MAP7: variants seen among roughly 807,000 people sequenced by gnomAD.
MAP7 encodes the protein microtubule associated protein 7, also known as ensconsin.
Under a neutral mutation model 94.8 loss-of-function variants are expected in MAP7, and 52 were observed. The observed-to-expected ratio is 0.55, with a 90% CI of 0.44 to 0.69. The LOEUF is 0.69. Among genes scored for constraint, MAP7 ranks in the 30% least tolerant of loss-of-function variants. MAP7 has a pLI of 0.00. For missense variants in MAP7, 940 were observed against 964.6 expected (o/e 0.97, Z 0.34); for synonymous variants, 350 against 357.0 (o/e 0.98, Z 0.22).
At chr6:136,402,666 G>A (rs1025554383) in intron 3 of MAP7, among the ~76,000 whole-genome samples, 2 of 152,124 alleles carry the variant, frequency 1.3e-5, no homozygotes, top group Non-Finnish European at 2.9e-5. Context: ...CAGCACTTTG[G>A]GAGGCCGAGG....
In MAP7 at chr6:136,383,904, T is replaced by C. The variant is rs1264970238; in HGVS notation, c.527-123A>G. The C allele has an allele frequency of 5.0e-5, 31 of 624,238 alleles. No homozygotes were observed. The East Asian group carries it at 9.9e-4, about 20-fold the overall frequency. 38.7% of individuals were successfully genotyped at this position (624,238 alleles called of 1,614,324 possible). On this transcript the variant is annotated intron_variant, in intron 5 of 17. Coordinates refer to ENST00000354570, the MANE Select transcript of MAP7 (RefSeq NM_003980.6). ...TGCTCTATTTCTAGATCTGTCATAA[T>C]AACACAGTTTTCTAAGTGGACATTT...
chr6:136,482,799 G>A (rs565968402), intron 1 of MAP7, among the ~76,000 whole-genome samples: 1 of 152,134 alleles, frequency 6.6e-6, no homozygotes, highest in Non-Finnish European at 1.5e-5. Context: ...GAAGATGATA[G>A]ATCGATTTGG....
chr6:136,490,174 C>A (rs1295757675), intron 1 of MAP7, among the ~76,000 whole-genome samples: 2 of 151,966 alleles, frequency 1.3e-5, no homozygotes, highest in Non-Finnish European at 2.9e-5. Context: ...CAGAAGCAAC[C>A]CAAAGAGCCA....
Position 136,511,141 on chromosome 6 carries a change from CTGA to C in MAP7, c.67+39198_67+39200del, listed in dbSNP as rs1015562536. ...TTACTTAGATTGTGAGAAAATCTGGCTGATGATTAGAAGTGTTGATATAAGAGG... is the reference window on the plus strand; with the variant it reads ...TTACTTAGATTGTGAGAAAATCTGGCTGATTAGAAGTGTTGATATAAGAGG... On this transcript the variant is annotated intron_variant, in intron 1 of 17. Transcript: ENST00000354570. Among the ~76,000 whole-genome samples, 8 of 152,150 alleles carry C rather than the reference CTGA, an allele frequency of 5.3e-5. No individual in the cohort carries two copies. The South Asian group carries it at 8.3e-4, about 16-fold the overall frequency.
chr6:136,423,510 C>T (rs140738658), intron 1 of MAP7, among the ~76,000 whole-genome samples: 225 of 152,172 alleles, frequency 1.5e-3, no homozygotes, highest in African/African-American at 4.2e-3. Context: ...ACTAAAGTGG[C>T]AGGAAGGTCT....
intron 1 of MAP7, among the ~76,000 whole-genome samples, chr6:136,532,790 G>A (rs916619829): frequency 2.0e-5 from 3 of 152,118 alleles, no homozygotes; most frequent in East Asian, 1.9e-4. Context: ...ATACTTACTC[G>A]CATGGCTTCA....
chr6:136,400,104 T>C (rs1226459403), intron 3 of MAP7, among the ~76,000 whole-genome samples: 3 of 152,166 alleles, frequency 2.0e-5, no homozygotes, highest in Non-Finnish European at 1.5e-5. Flanking sequence ...CAAAAAAGTT[T>C]TTTTTTCTTT....
At chr6:136,372,360 CATG>C in intron 8 of MAP7, 138 bp downstream of exon 8, 1 of 1,001,294 alleles carries the variant, frequency 1.0e-6, no homozygotes, top group Non-Finnish European at 1.4e-6. Context: ...TAGCCAGATT[CATG>C]ATCAATGGGA....
chr6:136,539,566 C>G (rs1829148237), intron 1 of MAP7, among the ~76,000 whole-genome samples: 1 of 152,186 alleles, frequency 6.6e-6, no homozygotes, highest in South Asian at 2.1e-4. Context: ...CATATGCTAG[C>G]TGCAAAGAGG....
At chr6:136,472,293 C>T (rs1477408436) in intron 1 of MAP7, among the ~76,000 whole-genome samples, 2 of 152,074 alleles carry the variant, frequency 1.3e-5, no homozygotes, top group Non-Finnish European at 2.9e-5. Flanking sequence ...AATGGGAGAG[C>T]CTGACAGCTG....
At chr6:136,529,461 G>C (rs150482581) in intron 1 of MAP7, among the ~76,000 whole-genome samples, 420 of 152,286 alleles carry the variant, frequency 2.8e-3, no homozygotes, top group Non-Finnish European at 4.3e-3. Context: ...TTTTCAATTA[G>C]ATGTGGCACA....
rs55990221 is a variant in MAP7, at chr6:136,547,998, G to T, written c.67+2344C>A. On this transcript the variant is annotated intron_variant, in intron 1 of 17. Transcript: ENST00000354570. ...ACCTCATAATAATGAGTTCTAAAAAGAAATAAAATTAATCCCTCAAGAAAT... is the reference window on the plus strand; with the variant it reads ...ACCTCATAATAATGAGTTCTAAAAATAAATAAAATTAATCCCTCAAGAAAT... Among the ~76,000 whole-genome samples, 534 of 152,006 alleles carry T rather than the reference G, an allele frequency of 3.5e-3. 5 individuals carry two copies. The highest frequency in any genetic ancestry group is 0.012 in the African/African-American group (511 of 41,452).
At chr6:136,360,152 ACT>A in intron 13 of MAP7, 121 bp from the exon 14 acceptor site, 1 of 737,112 alleles carries the variant, frequency 1.4e-6, no homozygotes. Flanking sequence ...TACAATATGC[ACT>A]TTTTTTTTTT....
At chr6:136,416,555 C>T (rs1789485616) in intron 2 of MAP7, among the ~76,000 whole-genome samples, 1 of 152,138 alleles carries the variant, frequency 6.6e-6, no homozygotes, top group Non-Finnish European at 1.5e-5. Context: ...CCTGTAATCC[C>T]AGCACTTTGG....
chr6:136,427,043 C>T (rs1030810548), intron 1 of MAP7, among the ~76,000 whole-genome samples: 8 of 152,220 alleles, frequency 5.3e-5, no homozygotes, highest in African/African-American at 1.7e-4. Flanking sequence ...TCCACTTACC[C>T]GTATCGTGTA....
intron 1 of MAP7, chr6:136,476,095 G>C (rs1017927441): frequency 6.6e-6 from 1 of 152,148 alleles, no homozygotes; most frequent in Non-Finnish European, 1.5e-5. Flanking sequence ...AGCATGGATT[G>C]TCATCCAATG....
At position 136,365,922 on chromosome 6, in the gene MAP7, C is replaced by A. The variant is rs1168056122; in HGVS notation, c.1086G>T (p.Arg362=). ...GSVKAAPAQV[R]PPSPGNIRPV... ...GGCGGATGTTGCCGGGGGATGGGGG[C>A]CGGACCTGAGCAGGAGCAGCTTTGA... The change falls in exon 10 of 18, where the codon CGG becomes CGT. Residue 362 remains arginine (R), a synonymous_variant. Coordinates refer to ENST00000354570, the MANE Select transcript of MAP7 (RefSeq NM_003980.6). 6.2e-7 allele frequency: 1 copy of A among 1,614,116 alleles called. No homozygotes were observed. The highest frequency in any genetic ancestry group is 2.2e-5 in the East Asian group (1 of 44,878).
chr6:136,541,533 A>G (rs1297700041), intron 1 of MAP7, among the ~76,000 whole-genome samples: 5 of 152,212 alleles, frequency 3.3e-5, no homozygotes, highest in Non-Finnish European at 7.3e-5. Flanking sequence ...ATTTACTAAC[A>G]GTGCCTATGA....
At chr6:136,445,579 A>G (rs947667396) in intron 1 of MAP7, among the ~76,000 whole-genome samples, 1 of 152,188 alleles carries the variant, frequency 6.6e-6, no homozygotes, top group African/African-American at 2.4e-5. Flanking sequence ...TTTGATTCCT[A>G]GAACCAGCCA....
Sources: allele counts gnomAD v4.1 joint callset (sites outside exome capture counted in the v4.1 genomes callset), GRCh38; gene constraint gnomAD v4.1.1; transcripts MANE v1.5; gene names NCBI Gene and HGNC (gene_info 2026-07-23, HGNC 2026-07-21).